Variants in CASP5 observed in about 807,000 individuals in gnomAD.
The protein encoded by CASP5 is caspase-5.
In CASP5, 42 loss-of-function variants were observed where a neutral mutation model predicts 45.2. The observed-to-expected ratio is 0.93, with a 90% CI of 0.73 to 1.20. The LOEUF is 1.20. Ranked by LOEUF, CASP5 falls within the 50% of genes most tolerant of loss-of-function variation. The pLI, the probability that CASP5 is intolerant of heterozygous loss-of-function variation, is 0.00. For synonymous variants in CASP5, 209 were observed against 186.2 expected (o/e 1.12, Z -1.00); for missense variants, 512 against 532.2 (o/e 0.96, Z 0.37).
chr11:105,009,093 C>T (rs1020971946), intron 1 of CASP5, 113 bp from the exon 2 acceptor site: 2 of 872,120 alleles, frequency 2.3e-6, no homozygotes, highest in African/African-American at 3.4e-5. Context: ...TTCTGTCTTA[C>T]CATGTCTTCA....
At chr11:105,020,299 C>T (rs1293430181) in intron 1 of CASP5, among the ~76,000 whole-genome samples, 1 of 151,898 alleles carries the variant, frequency 6.6e-6, no homozygotes, top group Non-Finnish European at 1.5e-5. Flanking sequence ...GTTGGAAGTT[C>T]TGGCCAGGGC....
chr11:105,000,777 T>A (rs45485991), intron 5 of CASP5, among the ~76,000 whole-genome samples: 4,858 of 152,088 alleles, frequency 0.032, 226 homozygotes, highest in African/African-American at 0.1. Flanking sequence ...TACTTTTTTT[T>A]ATCTCAATCT....
At chr11:105,019,368 C>T (rs1340530082) in intron 1 of CASP5, among the ~76,000 whole-genome samples, 1 of 150,174 alleles carries the variant, frequency 6.7e-6, no homozygotes, top group African/African-American at 2.4e-5. Context: ...AATCCAGGAG[C>T]TGGTTTTTTG....
intron 5 of CASP5, among the ~76,000 whole-genome samples, chr11:105,001,060 C>T (rs1000144673): frequency 5.3e-5 from 8 of 152,178 alleles, no homozygotes; most frequent in Non-Finnish European, 8.8e-5. Flanking sequence ...CCATTCCTTC[C>T]GGTAGTGCCG....
At chr11:105,003,162 A>G (rs1483894486) in intron 4 of CASP5, 112 bp downstream of exon 4, 1 of 725,120 alleles carries the variant, frequency 1.4e-6, no homozygotes, top group Non-Finnish European at 2.4e-6. Context: ...ATCACACCAC[A>G]GCACTCCAGG....
At chr11:105,021,475 C>G (rs1359460011) in intron 1 of CASP5, among the ~76,000 whole-genome samples, 2 of 150,330 alleles carry the variant, frequency 1.3e-5, no homozygotes, top group Non-Finnish European at 3.0e-5. Context: ...AAAAAACAAA[C>G]AACCCCATCA....
intron 1 of CASP5, among the ~76,000 whole-genome samples, chr11:105,014,868 G>T (rs1439471065): frequency 6.6e-6 from 1 of 152,166 alleles, no homozygotes; most frequent in Non-Finnish European, 1.5e-5. Flanking sequence ...AAAAGCATGA[G>T]CACACTGTGT....
chr11:104,995,201 C>G, intron 9 of CASP5: 1 of 152,418 alleles, frequency 6.6e-6, no homozygotes, highest in South Asian at 2.1e-4. Flanking sequence ...TTCAGATTGT[C>G]TGTGAGTCTA....
intron 1 of CASP5, among the ~76,000 whole-genome samples, chr11:105,017,488 C>G (rs1376961204): frequency 6.6e-6 from 1 of 152,076 alleles, no homozygotes; most frequent in Admixed American, 6.5e-5. Flanking sequence ...AAAACCAAGG[C>G]TCGAGAACTA....
rs748239649 is a variant in CASP5, at chr11:104,995,826, T to C, written c.1223A>G (p.Glu408Gly). The part of the protein sequence containing the change: ...EIFRKVQKSF[E>G]VPQAKAQMPT... ...CATCTGGGCTTTAGCCTGTGGAACT[T>C]CAAATGATTTCTGTACCTAAAAGAA... The change falls in exon 9 of 10, where the codon GAA (glutamate) becomes GGA (glycine). Residue 408 changes from glutamate to glycine, a missense_variant. Transcript: ENST00000260315. The C allele has an allele frequency of 1.2e-5, 20 of 1,610,850 alleles. No individual in the cohort carries two copies. Among genetic ancestry groups the C allele is most frequent in the Non-Finnish European group, 1.7e-5 (20 of 1,177,426 alleles).
At chr11:105,011,257 CTGAA>C (rs1437539228) in intron 1 of CASP5, among the ~76,000 whole-genome samples, 3 of 151,688 alleles carry the variant, frequency 2.0e-5, no homozygotes, top group African/African-American at 7.2e-5. Flanking sequence ...ATAGTTTTGA[CTGAA>C]TGAATATGTG....
At chr11:105,022,036 C>T (rs1038949440) in intron 1 of CASP5, among the ~76,000 whole-genome samples, 3 of 150,884 alleles carry the variant, frequency 2.0e-5, no homozygotes, top group African/African-American at 7.3e-5. Flanking sequence ...TGGAAATCAT[C>T]ATTCTCAGTA....
Position 105,000,352 on chromosome 11 carries a change from A to G in CASP5, c.861T>C (p.Leu287=). The change falls in exon 6 of 10, where the codon CTT becomes CTC. Residue 287 remains leucine, a synonymous_variant. Coordinates refer to ENST00000260315, the MANE Select transcript of CASP5 (RefSeq NM_004347.5). ...AHKKKKPDVL[L]YDTIFQIFNN... The stretch of plus-strand genomic sequence containing the variant: ...TGAATATCTGGAAGATGGTGTCATA[A>G]AGCAGCACATCCGGTTTTTTCTTTT... 1 of 1,614,228 alleles carries G rather than the reference A, an allele frequency of 6.2e-7. No homozygotes were observed. Among genetic ancestry groups the G allele is most frequent in the Non-Finnish European group, 8.5e-7 (1 of 1,180,036 alleles).
Position 105,002,084 on chromosome 11 carries a change from T to C in CASP5, c.661A>G (p.Arg221Gly). ...GTGTAGCCCAGGCCTTGAAGCAGCC[T>C]TTTCATCCCCACGATGTCATAGTGA... Reference protein sequence around the residue: ...GAHYDIVGMKRLLQGLGYTVV... With the variant: ...GAHYDIVGMKGLLQGLGYTVV... Residue 221 changes from arginine (R) to glycine (G), a missense_variant, in exon 5 of 10, where the codon AGG becomes GGG. Physicochemically the swap from Arg to Gly is moderately radical, Grantham distance 125 (BLOSUM62 -2). Transcript: ENST00000260315. 3 of 1,614,142 alleles carry C rather than the reference T, an allele frequency of 1.9e-6. No individual in the cohort carries two copies. The highest frequency in any genetic ancestry group is 1.7e-6 in the Non-Finnish European group (2 of 1,180,014).
At chr11:104,999,096 G>T in intron 6 of CASP5, 68 bp from the exon 7 acceptor site, 1 of 1,410,312 alleles carries the variant, frequency 7.1e-7, no homozygotes, top group East Asian at 2.3e-5. Flanking sequence ...TGCAGAACGT[G>T]TAGGTTTGTT....
At position 105,000,215 on chromosome 11, in the gene CASP5, C is replaced by T. The variant is rs767934290; in HGVS notation, c.952+46G>A. 5.7e-6 allele frequency: 9 copies of T among 1,591,298 alleles called. No individual in the cohort carries two copies. The South Asian group carries it at 9.9e-5, about 18-fold the overall frequency. On this transcript the variant is annotated intron_variant, in intron 6 of 9. Coordinates refer to ENST00000260315, the MANE Select transcript of CASP5 (RefSeq NM_004347.5). ...AATATAAACCAAACATCACAATCCT[C>T]TGCATACACCTTCAAAACTGTTAGA...
At chr11:105,022,313 TAATA>T (rs1863011689) in intron 1 of CASP5, among the ~76,000 whole-genome samples, 1 of 151,488 alleles carries the variant, frequency 6.6e-6, no homozygotes, top group African/African-American at 2.4e-5. Flanking sequence ...AGTATAATAA[TAATA>T]AATAAATAAA....
intron 1 of CASP5, among the ~76,000 whole-genome samples, chr11:105,015,123 T>A (rs1862524266): frequency 6.6e-6 from 1 of 151,818 alleles, no homozygotes; most frequent in South Asian, 2.1e-4. Flanking sequence ...CATTTGAAGA[T>A]GTTTGTTTGC....
chr11:105,005,783 G>T (rs1861972716), intron 3 of CASP5, among the ~76,000 whole-genome samples: 1 of 152,092 alleles, frequency 6.6e-6, no homozygotes, highest in Non-Finnish European at 1.5e-5. Flanking sequence ...CTACAAATAT[G>T]ATTCCTATTT....
Sources: allele counts gnomAD v4.1 joint callset (sites outside exome capture counted in the v4.1 genomes callset), GRCh38; gene constraint gnomAD v4.1.1; transcripts MANE v1.5; gene names NCBI Gene and HGNC (gene_info 2026-07-23, HGNC 2026-07-21).